ZNF268: variants seen among roughly 807,000 people sequenced by gnomAD.
The protein encoded by ZNF268 is zinc finger protein 268.
A neutral mutation model predicts 29.3 loss-of-function variants in ZNF268; 20 were observed. The ratio of observed to expected loss-of-function variants is 0.68; its 90% CI spans 0.48 to 0.99. The LOEUF is 0.99. ZNF268 is among the 50% of genes least tolerant of loss of function. The probability of loss-of-function intolerance (pLI) is 0.00; values close to 1 mark genes in which losing one functional copy is unlikely to be tolerated. For missense variants in ZNF268, 1,240 were observed against 1,121.6 expected (o/e 1.11, Z -1.51); for synonymous variants, 429 against 376.9 (o/e 1.14, Z -1.60).
At position 133,211,017 on chromosome 12, in the gene ZNF268, C is replaced by A. The variant is rs1021095577; in HGVS notation, c.*6487C>A. On this transcript the variant is annotated 3_prime_UTR_variant, in exon 6 of 6. Transcript: ENST00000536435. Reference sequence around the variant, plus strand: ...TTTTCCATGCCATAATTTTGGAAAACGAAACTGAAATAGAGTCCATCATTC... The same window carrying A: ...TTTTCCATGCCATAATTTTGGAAAAAGAAACTGAAATAGAGTCCATCATTC... The A allele has an allele frequency of 1.5e-5, 7 of 455,796 alleles. No individual in the cohort carries two copies. The highest frequency in any genetic ancestry group is 1.1e-4 in the South Asian group (7 of 64,552). The allele number at this position is 455,796 out of a possible 1,614,324, so 28.2% of individuals were successfully genotyped here. A position where few individuals can be genotyped will look rare whatever the true frequency, so the allele number is the denominator to read the frequency against.
In ZNF268 at chr12:133,202,301, G is replaced by T. The variant is rs75772856; in HGVS notation, c.615G>T (p.Thr205=). The part of the protein sequence containing the change: ...LSRQKPHKCG[T]HGKSLKYIDF... ...GACAAAAACCTCATAAATGTGGCACGCATGGAAAGAGTTTGAAATATATAG... is the reference window on the plus strand; with the variant it reads ...GACAAAAACCTCATAAATGTGGCACTCATGGAAAGAGTTTGAAATATATAG... Residue 205 remains threonine (T), a synonymous_variant, in exon 6 of 6, where the codon ACG becomes ACT. Transcript: ENST00000536435. 1.2e-6 allele frequency: 2 copies of T among 1,612,374 alleles called. No homozygotes were observed. The highest frequency in any genetic ancestry group is 8.5e-7 in the Non-Finnish European group (1 of 1,179,150).
In ZNF268 at chr12:133,211,061, G is replaced by T. The variant is rs2135536695; in HGVS notation, c.*6531G>T. 2.2e-6 allele frequency: 1 copy of T among 454,532 alleles called. No homozygotes were observed. The highest frequency in any genetic ancestry group is 7.0e-5 in the East Asian group (1 of 14,372). 28.2% of individuals were successfully genotyped at this position (454,532 alleles called of 1,614,324 possible). ...ATCATTCCATGCCTTAATTGGAATG[G>T]ATAGAGATAATAAAAGGCAAAGTAG... On this transcript the variant is annotated 3_prime_UTR_variant, in exon 6 of 6. Coordinates refer to ENST00000536435, the MANE Select transcript of ZNF268 (RefSeq NM_003415.3).
chr12:133,193,472 G>A (rs758282799), intron 5 of ZNF268: 11 of 697,766 alleles, frequency 1.6e-5, no homozygotes, highest in Non-Finnish European at 1.0e-5. Context: ...GGCAGGTTTG[G>A]TGTCTGGTGA....
chr12:133,205,144 T>TAAAAAAAAAAAAAAAAA lies in ZNF268; in HGVS notation c.*627_*643dup, dbSNP rs1223672116. 2.1e-3 allele frequency: 88 copies of TAAAAAAAAAAAAAAAAA among 42,280 alleles called. 2 individuals carry two copies. Among genetic ancestry groups the TAAAAAAAAAAAAAAAAA allele is most frequent in the South Asian group, 4.3e-3 (3 of 702 alleles). The allele number at this position is 42,280 out of a possible 1,614,324, so 2.6% of individuals were successfully genotyped here. A position where few individuals can be genotyped will look rare whatever the true frequency, so the allele number is the denominator to read the frequency against. On this transcript the variant is annotated 3_prime_UTR_variant, in exon 6 of 6. Transcript: ENST00000536435. Reference sequence around the variant, plus strand: ...TAACCTCACCTTAGAAGCTTCATTCTAAAAAAAAAAAAAAAAAAAAAAAAA... The same window carrying TAAAAAAAAAAAAAAAAA: ...TAACCTCACCTTAGAAGCTTCATTCTAAAAAAAAAAAAAAAAAAAAAAAAAAAAAAAAAAAAAAAAAA...
chr12:133,187,733 C>CTT, intron 2 of ZNF268, 139 bp from the exon 3 acceptor site: 1 of 817,158 alleles, frequency 1.2e-6, no homozygotes, highest in East Asian at 2.7e-5. Flanking sequence ...TCTTTTCTGC[C>CTT]TCTAACCCTG....
intron 5 of ZNF268, among the ~76,000 whole-genome samples, chr12:133,199,053 C>G (rs1170123352): frequency 5.9e-5 from 9 of 151,992 alleles, no homozygotes; most frequent in African/African-American, 2.2e-4. Context: ...ATTGCCCTGG[C>G]CAGAACTTCC....
intron 2 of ZNF268, among the ~76,000 whole-genome samples, chr12:133,183,689 G>A (rs964341039): frequency 6.6e-6 from 1 of 152,210 alleles, no homozygotes; most frequent in Non-Finnish European, 1.5e-5. Context: ...AGAGGGGGAA[G>A]ATTTCAGTTT....
chr12:133,202,055 G>A lies in ZNF268; in HGVS notation c.458-89G>A, dbSNP rs1956762426. 4.7e-6 allele frequency: 5 copies of A among 1,067,900 alleles called. No individual in the cohort carries two copies. The South Asian group carries it at 7.2e-5, about 15-fold the overall frequency. The allele number at this position is 1,067,900 out of a possible 1,614,324, so 66.2% of individuals were successfully genotyped here. A position where few individuals can be genotyped will look rare whatever the true frequency, so the allele number is the denominator to read the frequency against. ...ACCACAATCATGTGATTTATAACAT[G>A]TGACTAATTGTTCTTATTTCATAGG... On this transcript the variant is annotated intron_variant, in intron 5 of 5. Transcript: ENST00000536435.
intron 5 of ZNF268, among the ~76,000 whole-genome samples, chr12:133,199,147 A>G (rs1477055852): frequency 6.6e-6 from 1 of 152,190 alleles, no homozygotes; most frequent in African/African-American, 2.4e-5. Context: ...GTTTTTGCCC[A>G]TTCAGTATGA....
chr12:133,186,057 C>T (rs949033002), intron 2 of ZNF268, among the ~76,000 whole-genome samples: 1 of 152,190 alleles, frequency 6.6e-6, no homozygotes, highest in South Asian at 2.1e-4. Context: ...CTTAAAACTT[C>T]ACAGTAGCCC....
At position 133,210,928 on chromosome 12, in the gene ZNF268, G is replaced by C. The variant is rs1323638848; in HGVS notation, c.*6398G>C. On this transcript the variant is annotated 3_prime_UTR_variant, in exon 6 of 6. Transcript: ENST00000536435. ...CAGTGTTGGATGGTCAGTGCTTCCT[G>C]TTTTGTGATGGCCATGTGCCCCCTC... 3 of 456,026 alleles carry C rather than the reference G, an allele frequency of 6.6e-6. No individual in the cohort carries two copies. The East Asian group carries it at 2.1e-4, about 32-fold the overall frequency. The allele number at this position is 456,026 out of a possible 1,614,324, so 28.2% of individuals were successfully genotyped here.
At position 133,202,734 on chromosome 12, in the gene ZNF268, C is replaced by T; in HGVS notation, c.1048C>T (p.His350Tyr). 6.2e-7 allele frequency: 1 copy of T among 1,611,934 alleles called. No individual in the cohort carries two copies. The highest frequency in any genetic ancestry group is 8.5e-7 in the Non-Finnish European group (1 of 1,179,214). ...TFSFHSQLVI[H>Y]QRIHTGENPY... ...CAGTTTCCATTCACAGCTTGTTATACATCAGAGAATTCACACAGGTGAGAA... is the reference window on the plus strand; with the variant it reads ...CAGTTTCCATTCACAGCTTGTTATATATCAGAGAATTCACACAGGTGAGAA... Residue 350 changes from histidine (H) to tyrosine (Y), a missense_variant, in exon 6 of 6, where the codon CAT (histidine) becomes TAT (tyrosine). By Grantham distance (83) the His-to-Tyr change is moderately conservative. This residue lies in a region of ZNF268 where 1,177 missense variants were observed against 1,039.6 expected (regional missense o/e 1.13). Coordinates refer to ENST00000536435, the MANE Select transcript of ZNF268 (RefSeq NM_003415.3).
intron 5 of ZNF268, among the ~76,000 whole-genome samples, chr12:133,199,420 C>A: frequency 6.6e-6 from 1 of 150,852 alleles, no homozygotes. Flanking sequence ...TTTTGATGTG[C>A]TGCTGGATTC....
chr12:133,210,549 GC>G lies in ZNF268; in HGVS notation c.*6021del. 3.5e-6 allele frequency: 1 copy of G among 288,842 alleles called. No homozygotes were observed. The highest frequency in any genetic ancestry group is 7.0e-6 in the Non-Finnish European group (1 of 143,164). 17.9% of individuals were successfully genotyped at this position (288,842 alleles called of 1,614,324 possible). On this transcript the variant is annotated 3_prime_UTR_variant, in exon 6 of 6. Coordinates refer to ENST00000536435, the MANE Select transcript of ZNF268 (RefSeq NM_003415.3). ...GTGCCCCACAGTGGTCCTCAGGTTG[GC>G]CAGTGGAGAAGGAAGCTCTGGTTCT...
chr12:133,197,045 ATAT>A (rs1489835823), intron 5 of ZNF268, among the ~76,000 whole-genome samples: 1 of 145,876 alleles, frequency 6.9e-6, no homozygotes, highest in African/African-American at 2.5e-5. Context: ...TTTTTTTTAA[ATAT>A]TATTATACTT....
intron 2 of ZNF268, among the ~76,000 whole-genome samples, chr12:133,186,076 G>A (rs980664040): frequency 6.6e-6 from 1 of 152,122 alleles, no homozygotes; most frequent in Middle Eastern, 3.2e-3. Context: ...CCTAGCCCCA[G>A]GTGGTGAATA....
At chr12:133,183,891 A>G (rs922452399) in intron 2 of ZNF268, among the ~76,000 whole-genome samples, 6 of 152,226 alleles carry the variant, frequency 3.9e-5, no homozygotes, top group Non-Finnish European at 7.3e-5. Context: ...TGTAATTCAC[A>G]CTTAAAGAAA....
In ZNF268 at chr12:133,205,150, A is replaced by AC. The variant is rs1956870415; in HGVS notation, c.*620_*621insC. 1 of 129,336 alleles carries AC rather than the reference A, an allele frequency of 7.7e-6. No individual in the cohort carries two copies. The highest frequency in any genetic ancestry group is 2.8e-4 in the South Asian group (1 of 3,606). 8.0% of individuals were successfully genotyped at this position (129,336 alleles called of 1,614,324 possible). On this transcript the variant is annotated 3_prime_UTR_variant, in exon 6 of 6. Transcript: ENST00000536435. ...CACCTTAGAAGCTTCATTCTAAAAA[A>AC]AAAAAAAAAAAAAAAAAAAAAAACC...
rs1349776238 is a variant in ZNF268 at position 133,207,316 on chromosome 12, CATATTT to C, written c.*2787_*2792del. 1.3e-5 allele frequency: 2 copies of C among 151,266 alleles called. No individual in the cohort carries two copies. The highest frequency in any genetic ancestry group is 6.6e-5 in the Admixed American group (1 of 15,168). The allele number at this position is 151,266 out of a possible 1,614,324, so 9.4% of individuals were successfully genotyped here. A position where few individuals can be genotyped will look rare whatever the true frequency, so the allele number is the denominator to read the frequency against. On this transcript the variant is annotated 3_prime_UTR_variant, in exon 6 of 6. Transcript: ENST00000536435. ...ATTTGTGAACATAGGTTTAAAAATC[CATATTT>C]GTGAACATAGGTTTAAAAATCCATA... is the stretch of plus-strand genomic sequence containing the variant.
Sources: gnomAD v4.1 joint callset for allele counts (sites outside exome capture counted in the v4.1 genomes callset) on GRCh38, gnomAD v4.1.1 for gene constraint, gnomAD v4.1.1 regional missense constraint, MANE v1.5 for transcripts, NCBI Gene and HGNC (gene_info 2026-07-23, HGNC 2026-07-21) for gene names.